FER: variants seen among roughly 807,000 people sequenced by gnomAD.
FER encodes the protein tyrosine-protein kinase Fer.
In FER, 63 loss-of-function variants were observed where a neutral mutation model predicts 111.0. The observed-to-expected ratio is 0.57, with a 90% CI of 0.46 to 0.70. The LOEUF is 0.70. FER is among the 30% of genes least tolerant of loss of function. The probability of loss-of-function intolerance (pLI) is 0.00; values close to 1 mark genes in which losing one functional copy is unlikely to be tolerated. For missense variants in FER, 914 were observed against 954.0 expected (o/e 0.96, Z 0.55); for synonymous variants, 327 against 313.9 (o/e 1.04, Z -0.44).
At chr5:108,920,165 T>C (rs1029581658) in intron 10 of FER, among the ~76,000 whole-genome samples, 6 of 152,028 alleles carry the variant, frequency 3.9e-5, no homozygotes, top group African/African-American at 1.4e-4. Flanking sequence ...ATTTCTGAAA[T>C]TGAGGTATTT....
intron 17 of FER, among the ~76,000 whole-genome samples, chr5:109,172,656 T>G (rs72798576): frequency 6.6e-6 from 1 of 151,260 alleles, no homozygotes; most frequent in East Asian, 1.9e-4. Context: ...AAGAAAAAAA[T>G]TTTTTATATG....
chr5:109,013,111 G>T (rs984784139), intron 13 of FER, among the ~76,000 whole-genome samples: 9 of 149,846 alleles, frequency 6.0e-5, no homozygotes, highest in African/African-American at 9.9e-5. Flanking sequence ...TAAGTTTTAG[G>T]GTACATGTGC....
intron 17 of FER, among the ~76,000 whole-genome samples, chr5:109,134,320 A>T (rs1752668275): frequency 6.6e-6 from 1 of 152,198 alleles, no homozygotes; most frequent in Non-Finnish European, 1.5e-5. Context: ...GTTTTATATA[A>T]AACATAAAGT....
chr5:108,870,734 C>T (rs756178452), intron 6 of FER, among the ~76,000 whole-genome samples: 16 of 152,090 alleles, frequency 1.1e-4, no homozygotes, highest in Non-Finnish European at 2.4e-4. Context: ...TGACCTATGG[C>T]ATATTTTTAC....
chr5:109,034,292 A>G (rs1029785828), intron 13 of FER, among the ~76,000 whole-genome samples: 1 of 152,206 alleles, frequency 6.6e-6, no homozygotes, highest in Admixed American at 6.5e-5. Flanking sequence ...TATGACAGGC[A>G]GTGAGCCGGT....
intron 16 of FER, among the ~76,000 whole-genome samples, chr5:109,072,972 G>A (rs1016051963): frequency 2.0e-5 from 3 of 151,986 alleles, no homozygotes; most frequent in Non-Finnish European, 4.4e-5. Flanking sequence ...TTCCCTCTGT[G>A]TGTCTTCGTG....
rs1777211630 is a variant in FER, at chr5:109,083,419, A to G, written c.1925-16977A>G. ...AACCTTAAATCAATATTCCATGGCT[A>G]TTATTGTTCAGCCTACAAATCCACT... On this transcript the variant is annotated intron_variant, in intron 16 of 19. Transcript: ENST00000281092. Among the ~76,000 whole-genome samples, 5 of 152,140 alleles carry G rather than the reference A, an allele frequency of 3.3e-5. No individual in the cohort carries two copies. In the South Asian group the frequency reaches 1.0e-3, roughly 32 times the overall value.
At chr5:108,849,454 T>TTTGTTGTTGTTG (rs77866064) in intron 5 of FER, among the ~76,000 whole-genome samples, 68 of 146,662 alleles carry the variant, frequency 4.6e-4, no homozygotes, top group East Asian at 5.8e-4. Context: ...TGGTGGTGGT[T>TTTGTTGTTGTTG]TTGTTGTTGT....
chr5:109,116,117 G>A (rs113370833), intron 17 of FER, among the ~76,000 whole-genome samples: 18 of 152,062 alleles, frequency 1.2e-4, no homozygotes, highest in Middle Eastern at 3.4e-3. Context: ...GTGTGCTGGG[G>A]GCCTTTTCTG....
intron 17 of FER, among the ~76,000 whole-genome samples, chr5:109,135,867 A>G (rs563665090): frequency 5.9e-5 from 9 of 152,164 alleles, no homozygotes; most frequent in Non-Finnish European, 1.2e-4. Context: ...AACAGAAAAG[A>G]AAGCAAAAGC....
intron 14 of FER, among the ~76,000 whole-genome samples, chr5:109,040,847 G>A (rs1017457587): frequency 2.0e-5 from 3 of 152,118 alleles, no homozygotes; most frequent in African/African-American, 7.2e-5. Flanking sequence ...GGTAAGAGGG[G>A]ATGCAATTTA....
intron 17 of FER, among the ~76,000 whole-genome samples, chr5:109,177,987 C>CA (rs1757889492): frequency 6.6e-6 from 1 of 152,104 alleles, no homozygotes; most frequent in Non-Finnish European, 1.5e-5. Context: ...GTGTGTCTCC[C>CA]AAAGTGTGAC....
intron 13 of FER, among the ~76,000 whole-genome samples, chr5:108,963,199 T>G (rs2149677069): frequency 6.6e-6 from 1 of 152,320 alleles, no homozygotes; most frequent in Non-Finnish European, 1.5e-5. Context: ...TTAATATTTC[T>G]TCATATTTAG....
At chr5:108,932,362 T>TA (rs1231895079) in intron 10 of FER, among the ~76,000 whole-genome samples, 2 of 152,228 alleles carry the variant, frequency 1.3e-5, no homozygotes, top group Non-Finnish European at 2.9e-5. Flanking sequence ...CATCTTTTTT[T>TA]ATGGCAGCAT....
intron 3 of FER, among the ~76,000 whole-genome samples, chr5:108,808,660 T>C (rs1475944195): frequency 1.3e-5 from 2 of 151,940 alleles, no homozygotes; most frequent in Non-Finnish European, 2.9e-5. Flanking sequence ...GATGATTACT[T>C]TGTAGTTTGT....
chr5:109,074,428 A>G lies in FER; in HGVS notation c.1925-25968A>G, dbSNP rs561612165. 7.9e-5 allele frequency among the ~76,000 whole-genome samples: 12 copies of G among 152,310 alleles called. No homozygotes were observed. In the South Asian group the frequency reaches 2.5e-3, roughly 32 times the overall value. On this transcript the variant is annotated intron_variant, in intron 16 of 19. Coordinates refer to ENST00000281092, the MANE Select transcript of FER (RefSeq NM_005246.4). ...AGAGTTGGGTCTCAAATTAATTTCT[A>G]ACATCTTTAGAAGTAAGTCAAAGAT... is the stretch of plus-strand genomic sequence containing the variant.
At chr5:108,960,695 A>G (rs1362829580) in intron 13 of FER, among the ~76,000 whole-genome samples, 1 of 152,148 alleles carries the variant, frequency 6.6e-6, no homozygotes, top group African/African-American at 2.4e-5. Flanking sequence ...TTGCAAATTT[A>G]TATTTATAAC....
At position 109,123,157 on chromosome 5, in the gene FER, G is replaced by GTTTTTT. The variant is rs747514879; in HGVS notation, c.2048+22649_2048+22654dup. The stretch of plus-strand genomic sequence containing the variant: ...CTCTTATTTCCTTCCTTCCTGTCTT[G>GTTTTTT]TTTTTTTTTTTTTTTTGAGACGGAG... On this transcript the variant is annotated intron_variant, in intron 17 of 19. Coordinates refer to ENST00000281092, the MANE Select transcript of FER (RefSeq NM_005246.4). Among the ~76,000 whole-genome samples, 87 of 124,216 alleles carry GTTTTTT rather than the reference G, an allele frequency of 7.0e-4. 6 individuals are homozygous for GTTTTTT. Among genetic ancestry groups the GTTTTTT allele is most frequent in the African/African-American group, 1.6e-3 (52 of 32,364 alleles). 81.5% of individuals were successfully genotyped at this position (124,216 alleles called of 152,430 possible).
At chr5:109,022,226 A>G in intron 13 of FER, among the ~76,000 whole-genome samples, 1 of 151,602 alleles carries the variant, frequency 6.6e-6, no homozygotes, top group East Asian at 1.9e-4. Context: ...TAATGACTGA[A>G]GTCTATTGTC....
Sources: allele counts gnomAD v4.1 joint callset (sites outside exome capture counted in the v4.1 genomes callset), GRCh38; gene constraint gnomAD v4.1.1; transcripts MANE v1.5; gene names NCBI Gene and HGNC (gene_info 2026-07-23, HGNC 2026-07-21).